PCDHGA7: variants seen among roughly 807,000 people sequenced by gnomAD.
PCDHGA7 encodes the protein protocadherin gamma-A7.
PCDHGA7 carries 44 observed loss-of-function variants against 58.3 expected under a neutral mutation model. That is an observed-to-expected ratio of 0.75 (90% CI 0.59 to 0.97). The LOEUF is 0.97. Ranked by LOEUF, PCDHGA7 falls within the 50% of genes least tolerant of loss-of-function variation. The pLI, the probability that PCDHGA7 is intolerant of heterozygous loss-of-function variation, is 0.00. For synonymous variants in PCDHGA7, 516 were observed against 504.2 expected, an observed-to-expected ratio of 1.02 and a Z score of -0.31; for missense variants, 1,266 against 1,188.7, an observed-to-expected ratio of 1.06 and a Z score of -0.96.
In PCDHGA7 at chr5:141,383,678, G is replaced by C; in HGVS notation, c.779G>C (p.Arg260Thr). The C allele has an allele frequency of 1.2e-6, 2 of 1,614,036 alleles. No individual in the cohort carries two copies. Among genetic ancestry groups the C allele is most frequent in the East Asian group, 4.5e-5 (2 of 44,888 alleles). ...TVPENVPVGT[R>T]LLTVHAIDLD... ...CCCGAGAATGTGCCAGTGGGTACAAGACTGCTCACGGTACATGCTATCGAC... is the reference window on the plus strand; with the variant it reads ...CCCGAGAATGTGCCAGTGGGTACAACACTGCTCACGGTACATGCTATCGAC... The change falls in exon 1 of 4, where the codon AGA becomes ACA. Residue 260 changes from arginine to threonine, a missense_variant. By Grantham distance (71) the Arg-to-Thr change is moderately conservative. Transcript: ENST00000518325.
In PCDHGA7 at chr5:141,432,847, G is replaced by C. The variant is rs768265171; in HGVS notation, c.2424+47524G>C. ...ACCTCACTCTGTACCTGGTGGTAGC[G>C]GTGGCCGCGGTCTCCTGCGTCTTCC... On this transcript the variant is annotated intron_variant, in intron 1 of 3. Transcript: ENST00000518325. The surrounding 1 kb of genome is among the most constrained non-coding windows in gnomAD (Gnocchi z 6.0). The C allele has an allele frequency of 1.2e-6, 2 of 1,614,180 alleles. No homozygotes were observed. Among genetic ancestry groups the C allele is most frequent in the Admixed American group, 1.7e-5 (1 of 60,032 alleles).
intron 1 of PCDHGA7, chr5:141,392,496 T>C (rs1357893523): frequency 4.6e-6 from 1 of 215,562 alleles, no homozygotes; most frequent in Non-Finnish European, 9.1e-6. Context: ...AATAAGCAAA[T>C]GATTTTTTTT....
At chr5:141,386,329 GA>G (rs1445155662) in intron 1 of PCDHGA7, among the ~76,000 whole-genome samples, 4 of 152,150 alleles carry the variant, frequency 2.6e-5, no homozygotes, top group Non-Finnish European at 4.4e-5. Context: ...TTGTCATCCA[GA>G]AGGGGTGGAT....
intron 1 of PCDHGA7, among the ~76,000 whole-genome samples, chr5:141,386,184 C>T (rs1402266173): frequency 6.6e-6 from 1 of 152,164 alleles, no homozygotes; most frequent in Non-Finnish European, 1.5e-5. Context: ...ATCTTATGTA[C>T]ACAGATCCTA....
chr5:141,413,366 C>T (rs1452603006), intron 1 of PCDHGA7: 2 of 1,613,958 alleles, frequency 1.2e-6, no homozygotes, highest in Middle Eastern at 1.7e-4. Flanking sequence ...CGGGAGCTGG[C>T]GGAGCGCGGA....
chr5:141,455,158 T>TG (rs1279537888), intron 1 of PCDHGA7, among the ~76,000 whole-genome samples: 46 of 145,032 alleles, frequency 3.2e-4, no homozygotes, highest in African/African-American at 1.0e-3. Flanking sequence ...ATTAGTTTGT[T>TG]GGTTTTTTTT....
chr5:141,421,970 A>C, intron 1 of PCDHGA7: 1 of 1,610,928 alleles, frequency 6.2e-7, no homozygotes, highest in Middle Eastern at 1.7e-4. Flanking sequence ...CAGTCCGTAT[A>C]TCGCGTGAGT....
intron 3 of PCDHGA7, among the ~76,000 whole-genome samples, chr5:141,509,574 G>T (rs554778751): frequency 6.6e-6 from 1 of 152,300 alleles, no homozygotes; most frequent in South Asian, 2.1e-4. Context: ...TTCACAGTGC[G>T]TACAAATCAG....
intron 1 of PCDHGA7, among the ~76,000 whole-genome samples, chr5:141,470,845 G>T (rs1381257094): frequency 1.3e-5 from 2 of 151,972 alleles, no homozygotes; most frequent in African/African-American, 4.8e-5. Flanking sequence ...ACGCCACCAT[G>T]CTCAGATAAG....
chr5:141,472,852 G>A (rs1354948628), intron 1 of PCDHGA7, among the ~76,000 whole-genome samples: 1 of 151,160 alleles, frequency 6.6e-6, no homozygotes, highest in African/African-American at 2.4e-5. Flanking sequence ...TGGGCATGGT[G>A]GCACATGCCT....
intron 1 of PCDHGA7, chr5:141,415,641 TA>T (rs113784532): frequency 0.022 from 22,367 of 1,034,442 alleles, 38 homozygotes; most frequent in Admixed American, 0.045. Context: ...TTACTTTTGT[TA>T]AAAAAAAAAA....
At chr5:141,394,016 T>C in intron 1 of PCDHGA7, 1 of 1,613,452 alleles carries the variant, frequency 6.2e-7, no homozygotes, top group Non-Finnish European at 8.5e-7. Context: ...TAGGTAATTA[T>C]TATAGATTAG....
intron 1 of PCDHGA7, chr5:141,419,306 C>A: frequency 1.9e-6 from 3 of 1,614,032 alleles, no homozygotes; most frequent in Non-Finnish European, 2.5e-6. Context: ...AGACTTCGGG[C>A]TCAACGGCCG....
chr5:141,393,481 C>G (rs368525192), intron 1 of PCDHGA7: 11 of 1,613,948 alleles, frequency 6.8e-6, no homozygotes, highest in African/African-American at 5.3e-5. Flanking sequence ...CCGCCTCGCT[C>G]TAGCACAGTG....
chr5:141,428,846 A>G (rs936271540), intron 1 of PCDHGA7: 1 of 143,414 alleles, frequency 7.0e-6, no homozygotes, highest in Non-Finnish European at 1.5e-5. Flanking sequence ...CATTTTCACC[A>G]TTTTTACGGG....
intron 1 of PCDHGA7, chr5:141,412,147 G>C (rs1447265509): frequency 6.6e-6 from 1 of 152,176 alleles, no homozygotes; most frequent in East Asian, 1.9e-4. Context: ...GATACAAACT[G>C]CCTAAGAGAA....
rs1304750292 is a variant in PCDHGA7 at position 141,383,376 on chromosome 5, T to A, written c.477T>A (p.Asp159Glu). 7 of 1,613,980 alleles carry A rather than the reference T, an allele frequency of 4.3e-6. No homozygotes were observed. Among genetic ancestry groups the A allele is most frequent in the Non-Finnish European group, 5.1e-6 (6 of 1,179,894 alleles). ...GGTTTCCGTTAAGCGAGGCTGGGGA[T>A]CCAGATGTGGGCACGAACTCCCTCC... is the stretch of plus-strand genomic sequence containing the variant. ...GVRFPLSEAG[D>E]PDVGTNSLQS... is the part of the protein sequence containing the mutation. Residue 159 changes from aspartate to glutamate, a missense_variant, in exon 1 of 4, where the codon GAT becomes GAA. Coordinates refer to ENST00000518325, the MANE Select transcript of PCDHGA7 (RefSeq NM_018920.4).
chr5:141,472,071 A>T (rs1243864250), intron 1 of PCDHGA7, among the ~76,000 whole-genome samples: 5 of 152,200 alleles, frequency 3.3e-5, no homozygotes, highest in South Asian at 2.1e-4. Context: ...GTCTGTGGTT[A>T]TATCAATGAG....
At chr5:141,387,739 C>T (rs182945836) in intron 1 of PCDHGA7, 1 of 1,328,598 alleles carries the variant, frequency 7.5e-7, no homozygotes, top group East Asian at 2.5e-5. Context: ...AGCCTTTACA[C>T]CGCTTCCTCC....
Sources: allele counts gnomAD v4.1 joint callset (sites outside exome capture counted in the v4.1 genomes callset), GRCh38; gene constraint gnomAD v4.1.1; non-coding constraint Gnocchi (gnomAD v3.1); transcripts MANE v1.5; gene names NCBI Gene and HGNC (gene_info 2026-07-23, HGNC 2026-07-21).